The following SDCCAG8 variants were observed in gnomAD, a reference collection of about 807,000 sequenced individuals.
SDCCAG8 encodes the protein SHH signaling and ciliogenesis regulator SDCCAG8, also known as serologically defined colon cancer antigen 8.
A neutral mutation model predicts 101.8 loss-of-function variants in SDCCAG8; 74 were observed. The observed-to-expected ratio is 0.73, with a 90% CI of 0.60 to 0.88. The LOEUF (loss-of-function observed/expected upper bound fraction) is 0.88. SDCCAG8 is among the 40% of genes least tolerant of loss of function. The pLI, the probability that SDCCAG8 is intolerant of heterozygous loss-of-function variation, is 0.00. For missense variants in SDCCAG8, 787 were observed against 822.6 expected (o/e 0.96, Z 0.53); for synonymous variants, 281 against 292.9 (o/e 0.96, Z 0.41).
At chr1:243,439,622 T>TCTCACA (rs541157518) in intron 16 of SDCCAG8, among the ~76,000 whole-genome samples, 3 of 120,146 alleles carry the variant, frequency 2.5e-5, no homozygotes, top group Admixed American at 8.4e-5. Flanking sequence ...TGAGACTCCA[T>TCTCACA]CACACACACA....
chr1:243,391,381 T>C (rs1486797232), intron 13 of SDCCAG8, among the ~76,000 whole-genome samples: 2 of 152,158 alleles, frequency 1.3e-5, no homozygotes, highest in African/African-American at 4.8e-5. Flanking sequence ...TGCAACTCTG[T>C]TAGAGCCACC....
At chr1:243,374,933 GA>G (rs1276597622) in intron 12 of SDCCAG8, among the ~76,000 whole-genome samples, 2 of 151,940 alleles carry the variant, frequency 1.3e-5, no homozygotes, top group Admixed American at 6.6e-5. Context: ...ATATTTGGGG[GA>G]AAATGTCAGT....
intron 16 of SDCCAG8, among the ~76,000 whole-genome samples, chr1:243,486,137 G>A (rs556977470): frequency 7.0e-6 from 1 of 143,816 alleles, no homozygotes; most frequent in African/African-American, 2.5e-5. Flanking sequence ...GGAGGCGGAG[G>A]TTGCGGTGAG....
At chr1:243,470,339 G>A (rs1336238957) in intron 16 of SDCCAG8, among the ~76,000 whole-genome samples, 1 of 152,166 alleles carries the variant, frequency 6.6e-6, no homozygotes, top group Non-Finnish European at 1.5e-5. Flanking sequence ...CTAGTTCAGA[G>A]GAAACCCATA....
chr1:243,274,590 T>C lies in SDCCAG8; in HGVS notation c.354T>C (p.Leu118=). The change falls in exon 4 of 18, where the codon CTT becomes CTC. Residue 118 remains leucine, a synonymous_variant. Transcript: ENST00000366541. ...CCAATATGCCTACTATGCACGACCTTGTTCATACTATTAATGACCAGTCTC... is the reference window on the plus strand; with the variant it reads ...CCAATATGCCTACTATGCACGACCTCGTTCATACTATTAATGACCAGTCTC... ...EETNMPTMHD[L]VHTINDQSQY... The C allele has an allele frequency of 6.2e-7, 1 of 1,611,682 alleles. No individual in the cohort carries two copies. Among genetic ancestry groups the C allele is most frequent in the South Asian group, 1.1e-5 (1 of 90,882 alleles).
At chr1:243,486,634 T>C (rs140376245) in intron 16 of SDCCAG8, among the ~76,000 whole-genome samples, 52 of 152,374 alleles carry the variant, frequency 3.4e-4, no homozygotes, top group African/African-American at 1.2e-3. Flanking sequence ...GACCGGTGTT[T>C]ATGCTGTGAG....
chr1:243,394,671 T>C (rs978516029), intron 13 of SDCCAG8, among the ~76,000 whole-genome samples: 1 of 152,250 alleles, frequency 6.6e-6, no homozygotes, highest in Non-Finnish European at 1.5e-5. Flanking sequence ...AGGTCAGTTC[T>C]TTATTAAGGA....
intron 15 of SDCCAG8, among the ~76,000 whole-genome samples, chr1:243,424,778 A>G (rs2081233224): frequency 6.6e-6 from 1 of 152,078 alleles, no homozygotes; most frequent in Non-Finnish European, 1.5e-5. Flanking sequence ...TGATTTTTTT[A>G]TGCATAAAAG....
intron 12 of SDCCAG8, among the ~76,000 whole-genome samples, chr1:243,371,333 G>C (rs762484964): frequency 1.4e-4 from 21 of 152,030 alleles, no homozygotes; most frequent in African/African-American, 5.1e-4. Context: ...GACTAACTCC[G>C]TTTTGAATCT....
chr1:243,364,948 A>C (rs1230299726), intron 12 of SDCCAG8, among the ~76,000 whole-genome samples: 1 of 152,254 alleles, frequency 6.6e-6, no homozygotes, highest in Non-Finnish European at 1.5e-5. Flanking sequence ...GAGCAAAACG[A>C]AAAAGTTCTT....
At chr1:243,300,387 A>G (rs1573086928) in intron 6 of SDCCAG8, among the ~76,000 whole-genome samples, 1 of 151,972 alleles carries the variant, frequency 6.6e-6, no homozygotes, top group East Asian at 1.9e-4. Flanking sequence ...GCTTTTGTTC[A>G]TGTGCTTATC....
At chr1:243,288,921 G>T (rs1419862824) in intron 5 of SDCCAG8, among the ~76,000 whole-genome samples, 1 of 151,466 alleles carries the variant, frequency 6.6e-6, no homozygotes, top group African/African-American at 2.4e-5. Flanking sequence ...GCAGGAGAAT[G>T]GTGTGAACCC....
At chr1:243,259,469 T>G (rs1469220069) in intron 1 of SDCCAG8, among the ~76,000 whole-genome samples, 1 of 152,090 alleles carries the variant, frequency 6.6e-6, no homozygotes, top group South Asian at 2.1e-4. Flanking sequence ...GGTACTATTA[T>G]GGTATATCAA....
chr1:243,378,641 C>G, intron 12 of SDCCAG8, 80 bp from the exon 13 acceptor site: 1 of 1,475,366 alleles, frequency 6.8e-7, no homozygotes, highest in Non-Finnish European at 9.4e-7. Flanking sequence ...AAATTCATGG[C>G]AAAAAATAAA....
chr1:243,307,627 A>C (rs1448209430), intron 7 of SDCCAG8: 1 of 985,056 alleles, frequency 1.0e-6, no homozygotes. Flanking sequence ...TTTTTTAAGG[A>C]AAATGATTTG....
intron 16 of SDCCAG8, among the ~76,000 whole-genome samples, chr1:243,475,688 C>T (rs897461297): frequency 6.6e-5 from 10 of 152,180 alleles, no homozygotes; most frequent in African/African-American, 2.2e-4. Context: ...TGATTGATGA[C>T]AGAGAGATGG....
At chr1:243,302,559 C>T (rs1221165137) in intron 6 of SDCCAG8, among the ~76,000 whole-genome samples, 1 of 152,124 alleles carries the variant, frequency 6.6e-6, no homozygotes, top group East Asian at 1.9e-4. Flanking sequence ...ACAAGAAGGC[C>T]TGGACAATGA....
In SDCCAG8 at chr1:243,288,982, G is replaced by C. The variant is rs79454172; in HGVS notation, c.546+2585G>C. Among the ~76,000 whole-genome samples, 417 of 150,650 alleles carry C rather than the reference G, an allele frequency of 2.8e-3. 1 individual carries two copies. The highest frequency in any genetic ancestry group is 9.7e-3 in the African/African-American group (395 of 40,798). ...AGACTGCGCCACTGCACTCTGGCCT[G>C]GGCGACAGAGCAAGACTCCATCTCA... is the stretch of plus-strand genomic sequence containing the variant. On this transcript the variant is annotated intron_variant, in intron 5 of 17. Transcript: ENST00000366541.
At chr1:243,351,668 T>C (rs2076088472) in intron 12 of SDCCAG8, among the ~76,000 whole-genome samples, 1 of 152,240 alleles carries the variant, frequency 6.6e-6, no homozygotes, top group Non-Finnish European at 1.5e-5. Context: ...GCCTAACATA[T>C]GTCTAATAAA....
Sources: gnomAD v4.1 joint callset for allele counts (sites outside exome capture counted in the v4.1 genomes callset) on GRCh38, gnomAD v4.1.1 for gene constraint, MANE v1.5 for transcripts, NCBI Gene and HGNC (gene_info 2026-07-23, HGNC 2026-07-21) for gene names.